The following DIS3L2 variants were observed in gnomAD, a reference collection of about 807,000 sequenced individuals.
DIS3L2 encodes DIS3-like exonuclease 2.
A neutral mutation model predicts 97.5 loss-of-function variants in DIS3L2; 34 were observed. That is an observed-to-expected ratio of 0.35 (90% CI 0.27 to 0.46). DIS3L2 has a LOEUF of 0.46. Ranked by LOEUF, DIS3L2 falls within the 20% of genes least tolerant of loss-of-function variation. The pLI is 1.00. For missense variants in DIS3L2, 1,038 were observed against 1,146.0 expected, an observed-to-expected ratio of 0.91 and a Z score of 1.36; for synonymous variants, 435 against 445.2, an observed-to-expected ratio of 0.98 and a Z score of 0.29.
At chr2:232,331,191 C>G (rs559114599) in intron 16 of DIS3L2, among the ~76,000 whole-genome samples, 2 of 152,254 alleles carry the variant, frequency 1.3e-5, no homozygotes, top group Non-Finnish European at 2.9e-5. Context: ...GGGAAAGAAG[C>G]GGACTTGGCC....
chr2:232,119,301 G>T (rs143525426), intron 6 of DIS3L2, among the ~76,000 whole-genome samples: 1 of 152,252 alleles, frequency 6.6e-6, no homozygotes, highest in East Asian at 1.9e-4. Context: ...CAGTTTTAAT[G>T]GATAACTAGC....
At chr2:232,182,735 C>G (rs1383929219) in intron 9 of DIS3L2, among the ~76,000 whole-genome samples, 1 of 152,122 alleles carries the variant, frequency 6.6e-6, no homozygotes, top group African/African-American at 2.4e-5. Flanking sequence ...TTTGGCTACT[C>G]CAGCTCTCTT....
intron 9 of DIS3L2, among the ~76,000 whole-genome samples, chr2:232,190,185 T>G (rs758635137): frequency 6.6e-6 from 1 of 152,018 alleles, no homozygotes; most frequent in African/African-American, 2.4e-5. Flanking sequence ...AAAATAAAAT[T>G]AGCCAGATGT....
At chr2:232,153,872 T>C (rs1013409067) in intron 8 of DIS3L2, among the ~76,000 whole-genome samples, 1 of 152,132 alleles carries the variant, frequency 6.6e-6, no homozygotes, top group African/African-American at 2.4e-5. Context: ...TTTCACATAG[T>C]CCCATATTTC....
At chr2:232,318,655 C>T (rs1695343782) in intron 14 of DIS3L2, among the ~76,000 whole-genome samples, 1 of 152,206 alleles carries the variant, frequency 6.6e-6, no homozygotes, top group African/African-American at 2.4e-5. Flanking sequence ...CCCTCTGCTT[C>T]TCCCGGCTGG....
chr2:232,275,351 A>G (rs1439186386), intron 13 of DIS3L2, among the ~76,000 whole-genome samples: 1 of 152,218 alleles, frequency 6.6e-6, no homozygotes, highest in Non-Finnish European at 1.5e-5. Flanking sequence ...TCAGATTTGT[A>G]AATCTAGCAT....
intron 14 of DIS3L2, chr2:232,328,468 T>G (rs1048328168): frequency 2.4e-4 from 36 of 151,760 alleles, no homozygotes; most frequent in African/African-American, 8.5e-4. Flanking sequence ...CCACCCTGGG[T>G]GGAGGAGGGG....
chr2:231,993,822 G>A (rs1456689382), intron 1 of DIS3L2, among the ~76,000 whole-genome samples: 4 of 148,632 alleles, frequency 2.7e-5, no homozygotes, highest in African/African-American at 9.9e-5. Flanking sequence ...TGTTGAATAA[G>A]AATGTCATTG....
At chr2:232,309,154 C>G (rs1695058921) in intron 14 of DIS3L2, among the ~76,000 whole-genome samples, 1 of 152,238 alleles carries the variant, frequency 6.6e-6, no homozygotes, top group South Asian at 2.1e-4. Context: ...CTTTGAGCAG[C>G]TGAGCCACAA....
At chr2:232,071,052 A>G (rs1696002745) in intron 5 of DIS3L2, among the ~76,000 whole-genome samples, 1 of 152,206 alleles carries the variant, frequency 6.6e-6, no homozygotes, top group South Asian at 2.1e-4. Context: ...CCAGGTCTGC[A>G]TAGAGGAGGG....
chr2:232,061,480 C>T (rs1695702279), intron 5 of DIS3L2, among the ~76,000 whole-genome samples: 1 of 152,210 alleles, frequency 6.6e-6, no homozygotes, highest in Admixed American at 6.5e-5. Context: ...TGAAGATAAG[C>T]TCCCTGCTTT....
At position 232,325,345 on chromosome 2, in the gene DIS3L2, C is replaced by T. The variant is rs531077243; in HGVS notation, c.1740-4468C>T. ...TGTTGTTGCTTTTTCTTTAGAGGAA[C>T]GTTTGTGCACTGTGGGAACCTCTGT... On this transcript the variant is annotated intron_variant, in intron 14 of 20. Transcript: ENST00000325385. This position sits in a 1 kb window ranked among gnomAD's most constrained non-coding sequence, Gnocchi z 4.6. 2.0e-5 allele frequency among the ~76,000 whole-genome samples: 3 copies of T among 152,326 alleles called. No homozygotes were observed. Among genetic ancestry groups the T allele is most frequent in the Admixed American group, 6.5e-5 (1 of 15,308 alleles).
intron 1 of DIS3L2, among the ~76,000 whole-genome samples, chr2:231,986,101 A>G (rs1259703307): frequency 6.6e-6 from 1 of 152,192 alleles, no homozygotes; most frequent in African/African-American, 2.4e-5. Context: ...TCTTGTACTT[A>G]CACCAGTGGT....
intron 13 of DIS3L2, among the ~76,000 whole-genome samples, chr2:232,282,345 C>G (rs1694314540): frequency 6.6e-6 from 1 of 152,150 alleles, no homozygotes; most frequent in Non-Finnish European, 1.5e-5. Flanking sequence ...CCCCATCCCA[C>G]CCCTGCTGGT....
intron 11 of DIS3L2, 25 bp from the exon 12 acceptor site, chr2:232,249,214 T>C (rs750858741): frequency 1.2e-6 from 2 of 1,611,226 alleles, no homozygotes; most frequent in Admixed American, 3.3e-5. Context: ...AGAAAGGTGC[T>C]CATGGGCCTG....
intron 8 of DIS3L2, among the ~76,000 whole-genome samples, chr2:232,153,740 G>T (rs1268322263): frequency 2.0e-5 from 3 of 149,070 alleles, no homozygotes; most frequent in Admixed American, 6.7e-5. Flanking sequence ...GAATCTGAAC[G>T]TTGGCTTGCC....
intron 3 of DIS3L2, among the ~76,000 whole-genome samples, chr2:232,020,839 C>T (rs1258429731): frequency 6.6e-6 from 1 of 152,110 alleles, no homozygotes; most frequent in Non-Finnish European, 1.5e-5. Flanking sequence ...TAAAGCTCTT[C>T]AAAGAGTGTG....
intron 14 of DIS3L2, among the ~76,000 whole-genome samples, chr2:232,303,630 G>A (rs905922384): frequency 2.0e-4 from 30 of 152,216 alleles, no homozygotes; most frequent in African/African-American, 6.8e-4. Flanking sequence ...GAGGCTGTTG[G>A]ATGGTTCTCC....
chr2:232,051,873 A>G (rs1483398165), intron 5 of DIS3L2, among the ~76,000 whole-genome samples: 1 of 150,996 alleles, frequency 6.6e-6, no homozygotes, highest in Non-Finnish European at 1.5e-5. Context: ...AAACAAAGCA[A>G]TGAATCAAGT....
Sources: gnomAD v4.1 joint callset for allele counts (sites outside exome capture counted in the v4.1 genomes callset) on GRCh38, gnomAD v4.1.1 for gene constraint, Gnocchi (gnomAD v3.1) non-coding constraint, MANE v1.5 for transcripts, NCBI Gene and HGNC (gene_info 2026-07-23, HGNC 2026-07-21) for gene names.